The following PARD3 variants were observed in gnomAD, a reference collection of about 807,000 sequenced individuals.
The protein encoded by PARD3 is par-3 family cell polarity regulator.
Under a neutral mutation model 155.4 loss-of-function variants are expected in PARD3, and 75 were observed. The observed-to-expected ratio is 0.48, with a 90% confidence interval of 0.40 to 0.58. The LOEUF is 0.58. Ranked by LOEUF, PARD3 falls within the 20% of genes least tolerant of loss-of-function variation. The probability of loss-of-function intolerance (pLI) is 0.00; values close to 1 mark genes in which losing one functional copy is unlikely to be tolerated. For synonymous variants in PARD3, 576 were observed against 610.5 expected (o/e 0.94, Z 0.83); for missense variants, 1,642 against 1,721.7 (o/e 0.95, Z 0.82).
intron 2 of PARD3, among the ~76,000 whole-genome samples, chr10:34,607,672 T>C (rs936950343): frequency 4.6e-5 from 7 of 152,180 alleles, no homozygotes; most frequent in Non-Finnish European, 1.0e-4. Context: ...GATACTTCTG[T>C]TTGCATCATG....
chr10:34,718,684 C>T (rs542119238), intron 1 of PARD3, among the ~76,000 whole-genome samples: 1 of 151,488 alleles, frequency 6.6e-6, no homozygotes, highest in African/African-American at 2.4e-5. Flanking sequence ...ATAAATTGGC[C>T]GGGCACGGTG....
chr10:34,690,738 G>A (rs148474692), intron 2 of PARD3, among the ~76,000 whole-genome samples: 60 of 152,256 alleles, frequency 3.9e-4, no homozygotes, highest in South Asian at 1.0e-3. Context: ...GCAGAACCCC[G>A]AGGGAAAACC....
chr10:34,342,570 C>T (rs74134108), intron 15 of PARD3, among the ~76,000 whole-genome samples: 3,046 of 152,082 alleles, frequency 0.02, 91 homozygotes, highest in African/African-American at 0.07. Flanking sequence ...AAAAACAAAG[C>T]CTAGAAAAGG....
At chr10:34,757,100 C>T (rs979110622) in intron 1 of PARD3, among the ~76,000 whole-genome samples, 17 of 152,160 alleles carry the variant, frequency 1.1e-4, no homozygotes, top group African/African-American at 3.6e-4. Context: ...AATCTGTTTT[C>T]GAAGTCTATG....
chr10:34,240,441 C>T (rs1953508304), intron 22 of PARD3, among the ~76,000 whole-genome samples: 1 of 152,110 alleles, frequency 6.6e-6, no homozygotes, highest in African/African-American at 2.4e-5. Context: ...AAAAAAGTAT[C>T]ACTTTCATAT....
intron 2 of PARD3, among the ~76,000 whole-genome samples, chr10:34,691,533 G>C (rs924926659): frequency 1.3e-5 from 2 of 152,208 alleles, no homozygotes; most frequent in Non-Finnish European, 2.9e-5. Flanking sequence ...GCAATTTACA[G>C]ATTCAATGCT....
At chr10:34,709,098 G>C (rs1380360306) in intron 1 of PARD3, among the ~76,000 whole-genome samples, 1 of 152,048 alleles carries the variant, frequency 6.6e-6, no homozygotes, top group East Asian at 1.9e-4. Flanking sequence ...GGGACCAAAA[G>C]TGTTTCAGAT....
intron 12 of PARD3, 76 bp downstream of exon 12, chr10:34,372,422 C>T (rs1840780342): frequency 1.8e-6 from 2 of 1,092,268 alleles, no homozygotes; most frequent in Admixed American, 1.7e-5. Context: ...CAAGTAACTT[C>T]GTATTAAATT....
At chr10:34,243,447 G>A (rs964575215) in intron 22 of PARD3, among the ~76,000 whole-genome samples, 1 of 152,170 alleles carries the variant, frequency 6.6e-6, no homozygotes, top group Non-Finnish European at 1.5e-5. Context: ...CCGAGATGTT[G>A]TCCAATATTT....
At chr10:34,267,281 G>C (rs1478869294) in intron 22 of PARD3, among the ~76,000 whole-genome samples, 1 of 152,072 alleles carries the variant, frequency 6.6e-6, no homozygotes, top group East Asian at 1.9e-4. Flanking sequence ...AACCAAGTAA[G>C]AGCTTTTAAA....
intron 2 of PARD3, among the ~76,000 whole-genome samples, chr10:34,602,690 T>G (rs911382200): frequency 3.3e-5 from 5 of 152,194 alleles, no homozygotes; most frequent in African/African-American, 1.2e-4. Context: ...AATGTACATA[T>G]GTATAATCTA....
chr10:34,559,582 A>G (rs373423472), intron 2 of PARD3, among the ~76,000 whole-genome samples: 1 of 152,208 alleles, frequency 6.6e-6, no homozygotes, highest in East Asian at 1.9e-4. Context: ...CATGCCAACA[A>G]AAGAGAAAAC....
intron 22 of PARD3, among the ~76,000 whole-genome samples, chr10:34,145,221 A>ATATATATTTT (rs1491430560): frequency 8.8e-5 from 3 of 33,970 alleles, no homozygotes; most frequent in African/African-American, 2.7e-4. Context: ...ATATATATAT[A>ATATATATTTT]TTTTTTTTTT....
intron 2 of PARD3, among the ~76,000 whole-genome samples, chr10:34,526,080 CAAAAAAAAAAAAAA>C (rs765686445): frequency 7.7e-5 from 4 of 51,830 alleles, no homozygotes; most frequent in South Asian, 8.4e-4. Context: ...GACTCCGTAT[CAAAAAAAAAAAAAA>C]AAAAAAAAAA....
At chr10:34,628,887 G>A (rs556307094) in intron 2 of PARD3, among the ~76,000 whole-genome samples, 9 of 152,296 alleles carry the variant, frequency 5.9e-5, no homozygotes, top group East Asian at 1.9e-4. Flanking sequence ...AGTGGTTCAC[G>A]ACACCAGCCA....
chr10:34,345,844 G>A (rs1484956371), intron 15 of PARD3: 16 of 984,548 alleles, frequency 1.6e-5, no homozygotes, highest in South Asian at 4.7e-5. Context: ...TGATTCTTAC[G>A]GCCAAAGATA....
intron 5 of PARD3, among the ~76,000 whole-genome samples, chr10:34,444,325 G>A (rs890455109): frequency 2.0e-5 from 3 of 152,204 alleles, no homozygotes; most frequent in Non-Finnish European, 4.4e-5. Context: ...TGCCTCTTCT[G>A]TGGAATTTAT....
At chr10:34,304,819 C>T (rs1206371426) in intron 20 of PARD3, among the ~76,000 whole-genome samples, 1 of 152,212 alleles carries the variant, frequency 6.6e-6, no homozygotes, top group Non-Finnish European at 1.5e-5. Flanking sequence ...TATCAACATG[C>T]AATGAATGAA....
intron 2 of PARD3, among the ~76,000 whole-genome samples, chr10:34,537,618 C>G (rs1020055916): frequency 3.3e-5 from 5 of 152,210 alleles, no homozygotes; most frequent in African/African-American, 1.2e-4. Flanking sequence ...GCCCCAAGAA[C>G]TGGAAGCCAC....
Sources: gnomAD v4.1 joint callset for allele counts (sites outside exome capture counted in the v4.1 genomes callset) on GRCh38, gnomAD v4.1.1 for gene constraint, MANE v1.5 for transcripts, NCBI Gene and HGNC (gene_info 2026-07-23, HGNC 2026-07-21) for gene names.